FAM171A1: variants seen among roughly 807,000 people sequenced by gnomAD.
FAM171A1 encodes the protein family with sequence similarity 171 member A1.
A neutral mutation model predicts 74.9 loss-of-function variants in FAM171A1; 23 were observed. That is an observed-to-expected ratio of 0.31 (90% CI 0.22 to 0.44). The LOEUF (loss-of-function observed/expected upper bound fraction) is 0.44, where lower values mean the gene tolerates loss of function less well. FAM171A1 is among the 20% of genes least tolerant of loss of function. The pLI is 1.00. For missense variants in FAM171A1, 1,162 were observed against 1,159.2 expected (o/e 1.00, Z -0.03); for synonymous variants, 527 against 505.7 (o/e 1.04, Z -0.57).
At chr10:15,276,709 C>T (rs374407119) in intron 2 of FAM171A1, among the ~76,000 whole-genome samples, 77 of 152,168 alleles carry the variant, frequency 5.1e-4, no homozygotes, top group Admixed American at 2.2e-3. Context: ...TTTTGAGACA[C>T]GGTCTCACTC....
chr10:15,251,927 C>T (rs1834513991), intron 4 of FAM171A1, among the ~76,000 whole-genome samples: 1 of 152,126 alleles, frequency 6.6e-6, no homozygotes, highest in Non-Finnish European at 1.5e-5. Flanking sequence ...CACCACTGGC[C>T]CAAGCGAGGA....
chr10:15,240,136 G>A lies in FAM171A1; in HGVS notation c.754+8503C>T, dbSNP rs149430868. Among the ~76,000 whole-genome samples, 854 of 152,280 alleles carry A rather than the reference G, an allele frequency of 5.6e-3. 4 individuals carry two copies. The highest frequency in any genetic ancestry group is 0.019 in the African/African-American group (790 of 41,550). On this transcript the variant is annotated intron_variant, in intron 5 of 7. Transcript: ENST00000378116. ...CACTTTGGGAGGCCGAGGCAGAGGCGGATCACTTGAGGTCGGGAGTTCGAG... is the reference window on the plus strand; with the variant it reads ...CACTTTGGGAGGCCGAGGCAGAGGCAGATCACTTGAGGTCGGGAGTTCGAG...
chr10:15,250,611 T>C (rs1434152204), intron 4 of FAM171A1, among the ~76,000 whole-genome samples: 1 of 152,042 alleles, frequency 6.6e-6, no homozygotes, highest in Admixed American at 6.6e-5. Flanking sequence ...ATACAAAAAA[T>C]TAGCTGGGCA....
At position 15,370,732 on chromosome 10, in the gene FAM171A1, T is replaced by TCCCCGGC. The variant is rs1322447234; in HGVS notation, c.97+217_97+223dup. 2.3e-4 allele frequency among the ~76,000 whole-genome samples: 21 copies of TCCCCGGC among 93,044 alleles called. 1 individual carries two copies. The highest frequency in any genetic ancestry group is 7.6e-4 in the African/African-American group (19 of 24,910). The allele number at this position is 93,044 out of a possible 152,430, so 61.0% of individuals were successfully genotyped here. On this transcript the variant is annotated intron_variant, in intron 1 of 7. Transcript: ENST00000378116. ...CGCCCCCGCCCGACCCAGCCCCCGATCCCCGGCCCCCGAAGCCTCCGCCCG... is the reference window on the plus strand; with the variant it reads ...CGCCCCCGCCCGACCCAGCCCCCGATCCCCGGCCCCCGGCCCCCGAAGCCTCCGCCCG...
chr10:15,285,615 C>T (rs777716594), intron 1 of FAM171A1, among the ~76,000 whole-genome samples: 1 of 152,062 alleles, frequency 6.6e-6, no homozygotes, highest in Non-Finnish European at 1.5e-5. Context: ...TCCCAGAAAC[C>T]CTATTTTCTT....
chr10:15,242,850 A>G (rs1237409578), intron 5 of FAM171A1, among the ~76,000 whole-genome samples: 2 of 152,170 alleles, frequency 1.3e-5, no homozygotes, highest in African/African-American at 2.4e-5. Context: ...ATGTACTGTC[A>G]TGGTTATTTT....
intron 1 of FAM171A1, among the ~76,000 whole-genome samples, chr10:15,353,775 A>C (rs1036634611): frequency 9.9e-5 from 15 of 152,124 alleles, no homozygotes; most frequent in African/African-American, 3.4e-4. Context: ...CCTACAATGC[A>C]GGCGGCTCAG....
intron 1 of FAM171A1, among the ~76,000 whole-genome samples, chr10:15,293,470 G>C (rs1238192088): frequency 6.6e-6 from 1 of 152,006 alleles, no homozygotes; most frequent in East Asian, 1.9e-4. Flanking sequence ...TGTTTTTAAG[G>C]AGTTTACGGT....
intron 1 of FAM171A1, among the ~76,000 whole-genome samples, chr10:15,298,831 C>T (rs761731097): frequency 6.6e-5 from 10 of 152,154 alleles, no homozygotes; most frequent in Non-Finnish European, 1.3e-4. Context: ...GATGGTGATG[C>T]AACACTGTGG....
chr10:15,224,093 G>A (rs950103233), intron 5 of FAM171A1, among the ~76,000 whole-genome samples: 9 of 152,154 alleles, frequency 5.9e-5, no homozygotes, highest in Non-Finnish European at 1.2e-4. Context: ...GCTGCTTGGA[G>A]GGTCAGCTAG....
intron 1 of FAM171A1, among the ~76,000 whole-genome samples, chr10:15,344,678 TA>T (rs1400721295): frequency 3.9e-5 from 6 of 152,220 alleles, no homozygotes; most frequent in African/African-American, 1.2e-4. Flanking sequence ...GAAATGCAAA[TA>T]CAATTGGTGT....
intron 1 of FAM171A1, among the ~76,000 whole-genome samples, chr10:15,317,365 T>C (rs1835434809): frequency 6.6e-6 from 1 of 152,106 alleles, no homozygotes; most frequent in Admixed American, 6.5e-5. Flanking sequence ...AAAAATGAAG[T>C]CTGGTTGCGC....
intron 5 of FAM171A1, among the ~76,000 whole-genome samples, chr10:15,242,945 T>C (rs1017356833): frequency 1.3e-5 from 2 of 152,214 alleles, no homozygotes; most frequent in African/African-American, 4.8e-5. Context: ...CCAATTTCTG[T>C]ATTGTATTCA....
At chr10:15,298,115 ATCT>A (rs1385538161) in intron 1 of FAM171A1, among the ~76,000 whole-genome samples, 160 of 151,888 alleles carry the variant, frequency 1.1e-3, no homozygotes, top group African/African-American at 3.6e-3. Context: ...AAAACTCCCA[ATCT>A]TCTTTTTTTT....
intron 5 of FAM171A1, among the ~76,000 whole-genome samples, chr10:15,243,896 G>A (rs903681597): frequency 4.6e-5 from 7 of 152,158 alleles, no homozygotes; most frequent in Admixed American, 2.6e-4. Flanking sequence ...GACTACAGGC[G>A]CCCGCCACCA....
intron 6 of FAM171A1, among the ~76,000 whole-genome samples, chr10:15,217,310 C>T (rs535718973): frequency 1.3e-5 from 2 of 152,164 alleles, no homozygotes; most frequent in African/African-American, 2.4e-5. Context: ...ATACATGGGT[C>T]GAAATGAACT....
chr10:15,230,837 G>GAT (rs904788295), intron 5 of FAM171A1, among the ~76,000 whole-genome samples: 1 of 152,132 alleles, frequency 6.6e-6, no homozygotes, highest in African/African-American at 2.4e-5. Flanking sequence ...ATTTACAATA[G>GAT]ATATATATAC....
At chr10:15,308,945 C>T (rs1405302678) in intron 1 of FAM171A1, among the ~76,000 whole-genome samples, 18 of 152,020 alleles carry the variant, frequency 1.2e-4, no homozygotes, top group Admixed American at 9.2e-4. Flanking sequence ...GGATTACAGA[C>T]GTGAGCCACT....
chr10:15,288,362 T>C (rs904422585), intron 1 of FAM171A1, among the ~76,000 whole-genome samples: 3 of 152,000 alleles, frequency 2.0e-5, no homozygotes, highest in Non-Finnish European at 2.9e-5. Flanking sequence ...GTTACATGAG[T>C]AAGTTTTTTA....
Sources: gnomAD v4.1 joint callset for allele counts (sites outside exome capture counted in the v4.1 genomes callset) on GRCh38, gnomAD v4.1.1 for gene constraint, MANE v1.5 for transcripts, NCBI Gene and HGNC (gene_info 2026-07-23, HGNC 2026-07-21) for gene names.